The following RADIL variants were observed in gnomAD, a reference collection of about 807,000 sequenced individuals.
RADIL encodes Rap associating with DIL domain.
Under a neutral mutation model 97.6 loss-of-function variants are expected in RADIL, and 99 were observed. The ratio of observed to expected loss-of-function variants is 1.01; its 90% CI spans 0.86 to 1.20. The LOEUF (loss-of-function observed/expected upper bound fraction) is 1.20, where lower values mean the gene tolerates loss of function less well. RADIL is among the 50% of genes most tolerant of loss of function. RADIL has a pLI of 0.00. For synonymous variants in RADIL, 803 were observed against 691.8 expected (o/e 1.16, Z -2.52); for missense variants, 1,765 against 1,498.9 (o/e 1.18, Z -2.93).
Position 4,834,746 on chromosome 7 carries a change from T to G in RADIL, c.1277A>C (p.Glu426Ala). ...TLLQRIMTLIEPGGDDHKLTP... is the reference protein window; with the variant it reads ...TLLQRIMTLIAPGGDDHKLTP... ...CAGCTTGTGGTCGTCGCCCCCCGGC[T>G]CGATCAACGTCATGATCCTCTGCAG... is the stretch of plus-strand genomic sequence containing the variant. The change falls in exon 4 of 15, where the codon GAG becomes GCG. Residue 426 changes from glutamate to alanine, a missense_variant. Physicochemically the swap from Glu to Ala is moderately radical, Grantham distance 107. Transcript: ENST00000399583. This position sits in a 1 kb window ranked among gnomAD's most constrained non-coding sequence, Gnocchi z 6.0. The G allele has an allele frequency of 7.1e-7, 1 of 1,407,920 alleles. No individual in the cohort carries two copies. The highest frequency in any genetic ancestry group is 9.3e-7 in the Non-Finnish European group (1 of 1,074,000). The allele number at this position is 1,407,920 out of a possible 1,614,324, so 87.2% of individuals were successfully genotyped here.
At chr7:4,832,503 C>T (rs1783173592) in intron 4 of RADIL, among the ~76,000 whole-genome samples, 1 of 152,128 alleles carries the variant, frequency 6.6e-6, no homozygotes, top group African/African-American at 2.4e-5. Flanking sequence ...CTTTGGGAGG[C>T]TGAGGCAGGC....
chr7:4,803,723 TG>T lies in RADIL; in HGVS notation c.2321del (p.Pro774HisfsTer98), dbSNP rs938303458. On this transcript the variant is annotated frameshift_variant, in exon 11 of 15. Coordinates refer to ENST00000399583, the MANE Select transcript of RADIL (RefSeq NM_018059.5). LOFTEE classifies it high-confidence loss of function. ...AGCCGTCGCTGGGCAGGACGATGGG[TG>T]GGGGGTTTTCGTAGGACTCCAGAAC... The part of the protein sequence containing the change: ...EDVLESYENP[P>X]PIVLPSDGFQ... 4.5e-6 allele frequency: 7 copies of T among 1,566,576 alleles called. No homozygotes were observed. The highest frequency in any genetic ancestry group is 4.1e-5 in the African/African-American group (3 of 73,654).
In RADIL at chr7:4,801,691, C is replaced by T; in HGVS notation, c.2804G>A (p.Arg935Lys). Residue 935 changes from arginine to lysine, a missense_variant, in exon 12 of 15, where the codon AGG becomes AAG. Coordinates refer to ENST00000399583, the MANE Select transcript of RADIL (RefSeq NM_018059.5). ...ACCCCGGAGGCCGCTGAGTCCGTTC[C>T]TCTGCCTCTCTGGGAGCGCTTTTCC... ...PCGKALPERQ[R>K]NGLSGLRGAA... 6.2e-7 allele frequency: 1 copy of T among 1,608,678 alleles called. No individual in the cohort carries two copies. Among genetic ancestry groups the T allele is most frequent in the Non-Finnish European group, 8.5e-7 (1 of 1,178,388 alleles).
In RADIL at chr7:4,822,701, T is replaced by C. The variant is rs1343639142; in HGVS notation, c.1455-147A>G. Reference sequence around the variant, plus strand: ...ACCTGACACTGCTGGGCGGGGACGTTTAACAATACGTGTACCCGCCTGGCA... The same window carrying C: ...ACCTGACACTGCTGGGCGGGGACGTCTAACAATACGTGTACCCGCCTGGCA... On this transcript the variant is annotated intron_variant, in intron 5 of 14. Coordinates refer to ENST00000399583, the MANE Select transcript of RADIL (RefSeq NM_018059.5). This position sits in a 1 kb window ranked among gnomAD's most constrained non-coding sequence, Gnocchi z 5.3. 2.1e-6 allele frequency: 2 copies of C among 942,528 alleles called. No homozygotes were observed. The highest frequency in any genetic ancestry group is 3.3e-5 in the African/African-American group (2 of 60,056). 58.4% of individuals were successfully genotyped at this position (942,528 alleles called of 1,614,324 possible). A position where few individuals can be genotyped will look rare whatever the true frequency, so the allele number is the denominator to read the frequency against.
rs1256928482 is a variant in RADIL, at chr7:4,814,479, C to T, written c.2139+799G>A. On this transcript the variant is annotated intron_variant, in intron 9 of 14. Transcript: ENST00000399583. The surrounding 1 kb of genome is among the most constrained non-coding windows in gnomAD (Gnocchi z 4.5). ...TACAGCATGTTCAGCGTTTTCCAGG[C>T]AGGAGAGGAAACCATCGGTCTATTT... Among the ~76,000 whole-genome samples the T allele has an allele frequency of 6.6e-6, 1 of 151,118 alleles. No homozygotes were observed. Among genetic ancestry groups the T allele is most frequent in the African/African-American group, 2.4e-5 (1 of 41,026 alleles).
chr7:4,811,768 T>A (rs1191113015), intron 9 of RADIL, among the ~76,000 whole-genome samples: 1 of 151,988 alleles, frequency 6.6e-6, no homozygotes, highest in Non-Finnish European at 1.5e-5. Context: ...ATTACAGGCG[T>A]GAGCCACCGC....
In RADIL at chr7:4,813,645, GA is replaced by G. The variant is rs1782603582; in HGVS notation, c.2139+1632del. Among the ~76,000 whole-genome samples, 3 of 152,334 alleles carry G rather than the reference GA, an allele frequency of 2.0e-5. No homozygotes were observed. In the South Asian group the frequency reaches 6.2e-4, roughly 32 times the overall value. ...TCCCAGGACAGCAAATGTCCCCAGG[GA>G]AAAGCAACAGGAACTTCAGTCAGCT... On this transcript the variant is annotated intron_variant, in intron 9 of 14. Coordinates refer to ENST00000399583, the MANE Select transcript of RADIL (RefSeq NM_018059.5). The surrounding 1 kb of genome is among the most constrained non-coding windows in gnomAD (Gnocchi z 5.0).
At chr7:4,856,194 T>C (rs1014410063) in intron 2 of RADIL, among the ~76,000 whole-genome samples, 7 of 151,718 alleles carry the variant, frequency 4.6e-5, no homozygotes, top group African/African-American at 1.7e-4. Flanking sequence ...ACCTCCTGGG[T>C]TCAAGCGATT....
chr7:4,809,688 A>G, intron 9 of RADIL: 1 of 935,186 alleles, frequency 1.1e-6, no homozygotes, highest in Non-Finnish European at 1.3e-6. Context: ...ATTTTATTTA[A>G]TTGATTTATT....
Position 4,867,278 on chromosome 7 carries a change from C to A in RADIL, c.535+10327G>T, listed in dbSNP as rs562710213. 7.9e-5 allele frequency among the ~76,000 whole-genome samples: 12 copies of A among 152,172 alleles called. No homozygotes were observed. Among genetic ancestry groups the A allele is most frequent in the African/African-American group, 1.4e-4 (6 of 41,434 alleles). Reference sequence around the variant, plus strand: ...ATGACATGCACATATGCTCTGTAATCCAGCAGCTCCGTTCCTGGAAGAATG... The same window carrying A: ...ATGACATGCACATATGCTCTGTAATACAGCAGCTCCGTTCCTGGAAGAATG... On this transcript the variant is annotated intron_variant, in intron 2 of 14. Transcript: ENST00000399583. The surrounding 1 kb of genome is among the most constrained non-coding windows in gnomAD (Gnocchi z 4.1).
intron 9 of RADIL, among the ~76,000 whole-genome samples, chr7:4,808,401 TAA>T (rs1288195658): frequency 6.6e-6 from 1 of 152,162 alleles, no homozygotes; most frequent in Non-Finnish European, 1.5e-5. Flanking sequence ...TATGAAGCTA[TAA>T]GTGACTCTTT....
chr7:4,801,113 G>A (rs1467930814), intron 12 of RADIL, among the ~76,000 whole-genome samples: 2 of 151,752 alleles, frequency 1.3e-5, no homozygotes, highest in Non-Finnish European at 2.9e-5. Flanking sequence ...CACACACAAT[G>A]CACACCATGC....
intron 2 of RADIL, chr7:4,838,065 G>A (rs1417712344): frequency 6.1e-6 from 6 of 985,170 alleles, no homozygotes; most frequent in Admixed American, 1.2e-4. Flanking sequence ...TCTGCAGCCC[G>A]CAGGGGGCCA....
At position 4,819,287 on chromosome 7, in the gene RADIL, G is replaced by C. The variant is rs1782765544; in HGVS notation, c.1616-1936C>G. 6.6e-6 allele frequency among the ~76,000 whole-genome samples: 1 copy of C among 151,782 alleles called. No homozygotes were observed. The highest frequency in any genetic ancestry group is 2.4e-5 in the African/African-American group (1 of 41,280). The stretch of plus-strand genomic sequence containing the variant: ...GGGTTTCACCATGTTGGCCAGGCTG[G>C]TCTCAAACTCCTGACCTCATGTGAT... On this transcript the variant is annotated intron_variant, in intron 6 of 14. Coordinates refer to ENST00000399583, the MANE Select transcript of RADIL (RefSeq NM_018059.5). This position sits in a 1 kb window ranked among gnomAD's most constrained non-coding sequence, Gnocchi z 5.8.
intron 2 of RADIL, among the ~76,000 whole-genome samples, chr7:4,843,099 C>T (rs1465751334): frequency 2.6e-5 from 4 of 151,190 alleles, no homozygotes; most frequent in African/African-American, 7.3e-5. Context: ...CTCTGCCTCC[C>T]GGGTTCAAGT....
chr7:4,837,999 C>A lies in RADIL; in HGVS notation c.536-1394G>T. On this transcript the variant is annotated intron_variant, in intron 2 of 14. Coordinates refer to ENST00000399583, the MANE Select transcript of RADIL (RefSeq NM_018059.5). This position sits in a 1 kb window ranked among gnomAD's most constrained non-coding sequence, Gnocchi z 5.6. The stretch of plus-strand genomic sequence containing the variant: ...GAGGCGTCAGCTGGCTGAGGAAGAC[C>A]CTTACCAGCGCCAGCAGCCCCGCCG... 7 of 985,430 alleles carry A rather than the reference C, an allele frequency of 7.1e-6. No homozygotes were observed. The highest frequency in any genetic ancestry group is 8.4e-6 in the Non-Finnish European group (7 of 829,940). The allele number at this position is 985,430 out of a possible 1,614,324, so 61.0% of individuals were successfully genotyped here.
At chr7:4,803,266 C>T (rs1422108093) in intron 11 of RADIL, among the ~76,000 whole-genome samples, 15 of 114,418 alleles carry the variant, frequency 1.3e-4, no homozygotes, top group East Asian at 2.7e-4. Flanking sequence ...GGCTGGGGGG[C>T]CCCCTCCCCG....
rs1415024999 is a variant in RADIL at position 4,822,251 on chromosome 7, T to C, written c.1615+143A>G. 9 of 1,102,422 alleles carry C rather than the reference T, an allele frequency of 8.2e-6. No individual in the cohort carries two copies. Among genetic ancestry groups the C allele is most frequent in the Non-Finnish European group, 1.1e-5 (9 of 797,720 alleles). 68.3% of individuals were successfully genotyped at this position (1,102,422 alleles called of 1,614,324 possible). On this transcript the variant is annotated intron_variant, in intron 6 of 14. Transcript: ENST00000399583. This position sits in a 1 kb window ranked among gnomAD's most constrained non-coding sequence, Gnocchi z 5.3. ...AGGCCGTCCCCGAGCAACTGACACA[T>C]GGCAGCCTAGGGACTGAGGAAGCCC...
intron 2 of RADIL, among the ~76,000 whole-genome samples, chr7:4,844,886 GA>G (rs922380012): frequency 1.5e-4 from 23 of 152,084 alleles, no homozygotes; most frequent in African/African-American, 5.3e-4. Context: ...TTACAGGTAT[GA>G]GCCACTGCAC....
Sources: allele counts gnomAD v4.1 joint callset (sites outside exome capture counted in the v4.1 genomes callset), GRCh38; gene constraint gnomAD v4.1.1; non-coding constraint Gnocchi (gnomAD v3.1); transcripts MANE v1.5; gene names NCBI Gene and HGNC (gene_info 2026-07-23, HGNC 2026-07-21).